Variants in FOCAD observed in about 807,000 individuals in gnomAD.
FOCAD encodes KIAA1797.
A neutral mutation model predicts 225.6 loss-of-function variants in FOCAD; 198 were observed. The observed-to-expected ratio is 0.88, with a 90% CI of 0.78 to 0.99. The LOEUF is 0.99. FOCAD is among the 50% of genes least tolerant of loss of function. The pLI is 0.00. For missense variants in FOCAD, 2,713 were observed against 2,123.6 expected (o/e 1.28, Z -5.46); for synonymous variants, 897 against 755.0 (o/e 1.19, Z -3.08).
intron 11 of FOCAD, among the ~76,000 whole-genome samples, chr9:20,792,967 A>T (rs963773254): frequency 1.3e-4 from 20 of 152,320 alleles, no homozygotes; most frequent in African/African-American, 4.8e-4. Context: ...CTGCTGTGAG[A>T]AAAAGAGAAA....
At chr9:20,680,859 C>T (rs1370391803), upstream of FOCAD, among the ~76,000 whole-genome samples, 1 of 152,090 alleles carries the variant, frequency 6.6e-6, no homozygotes, top group Non-Finnish European at 1.5e-5. Flanking sequence ...GTTAGCCGAA[C>T]ACTGTGGTGT....
chr9:20,831,095 A>T (rs188107261), intron 15 of FOCAD, among the ~76,000 whole-genome samples: 3 of 152,060 alleles, frequency 2.0e-5, no homozygotes, highest in Admixed American at 2.0e-4. Flanking sequence ...CTTTTCTTTT[A>T]AAAGAAGATG....
intron 35 of FOCAD, among the ~76,000 whole-genome samples, chr9:20,957,827 G>A (rs1441994684): frequency 6.6e-6 from 1 of 151,030 alleles, no homozygotes; most frequent in Non-Finnish European, 1.5e-5. Context: ...AGTGAACATC[G>A]TTATGCATAT....
chr9:20,981,642 G>C lies in FOCAD; in HGVS notation c.4594G>C (p.Glu1532Gln), dbSNP rs1241780706. 1 of 1,612,822 alleles carries C rather than the reference G, an allele frequency of 6.2e-7. No individual in the cohort carries two copies. Among genetic ancestry groups the C allele is most frequent in the Non-Finnish European group, 8.5e-7 (1 of 1,179,520 alleles). ...CCACCACCTCTGGAGTCTGCTCTCT[G>C]AAGCTACTGGGAAAATTTTTGACCT... ...PAHHLWSLLSEATGKIFDLLP... is the reference protein window; with the variant it reads ...PAHHLWSLLSQATGKIFDLLP... Residue 1532 changes from glutamate (E) to glutamine (Q), a missense_variant, in exon 38 of 44, where the codon GAA (glutamate) becomes CAA (glutamine). By Grantham distance (29) the Glu-to-Gln change is conservative (BLOSUM62 2). Coordinates refer to ENST00000338382, the MANE Select transcript of FOCAD (RefSeq NM_001375567.1).
At chr9:20,700,834 A>C (rs1823881460) in intron 1 of FOCAD, among the ~76,000 whole-genome samples, 1 of 152,222 alleles carries the variant, frequency 6.6e-6, no homozygotes, top group African/African-American at 2.4e-5. Flanking sequence ...ACTGTGCTAA[A>C]CACAATAATT....
intron 22 of FOCAD, among the ~76,000 whole-genome samples, chr9:20,912,060 A>T (rs925806828): frequency 3.3e-5 from 5 of 152,134 alleles, no homozygotes; most frequent in Non-Finnish European, 7.4e-5. Flanking sequence ...ATATGAAGTA[A>T]CCAGAACTCT....
At chr9:20,959,086 T>C (rs1838464460) in intron 35 of FOCAD, among the ~76,000 whole-genome samples, 1 of 152,174 alleles carries the variant, frequency 6.6e-6, no homozygotes, top group African/African-American at 2.4e-5. Flanking sequence ...TGTAGTTCTA[T>C]TTTTAGTTTT....
intron 11 of FOCAD, among the ~76,000 whole-genome samples, chr9:20,802,683 A>T (rs1821977933): frequency 6.6e-6 from 1 of 152,128 alleles, no homozygotes; most frequent in Non-Finnish European, 1.5e-5. Flanking sequence ...GAGTCCAGGG[A>T]CAGGGTTTAG....
chr9:20,754,767 C>T (rs1236102669), intron 5 of FOCAD, among the ~76,000 whole-genome samples: 1 of 152,022 alleles, frequency 6.6e-6, no homozygotes, highest in Non-Finnish European at 1.5e-5. Flanking sequence ...GCCAAGCATT[C>T]CATTGTGCAT....
chr9:20,954,216 G>A (rs1320305319), intron 35 of FOCAD, among the ~76,000 whole-genome samples: 3 of 152,226 alleles, frequency 2.0e-5, no homozygotes, highest in Admixed American at 1.3e-4. Flanking sequence ...TACACGTAAT[G>A]TACAGTTAGT....
At chr9:20,994,205 T>G (rs897794361) in intron 43 of FOCAD, among the ~76,000 whole-genome samples, 1 of 152,250 alleles carries the variant, frequency 6.6e-6, no homozygotes, top group African/African-American at 2.4e-5. Context: ...TTAAATGATT[T>G]CTGTCTTTTG....
intron 22 of FOCAD, among the ~76,000 whole-genome samples, chr9:20,910,014 G>C (rs78389411): frequency 0.025 from 3,790 of 152,162 alleles, 74 homozygotes; most frequent in Non-Finnish European, 0.039. Context: ...ACTTCCTGGA[G>C]GCTAATTAGG....
At chr9:20,911,594 A>G (rs1042873230) in intron 22 of FOCAD, among the ~76,000 whole-genome samples, 2 of 152,178 alleles carry the variant, frequency 1.3e-5, no homozygotes, top group African/African-American at 4.8e-5. Flanking sequence ...CAACAAATCT[A>G]ATAACGGTAG....
chr9:20,685,915 A>G (rs1822638750), intron 1 of FOCAD, among the ~76,000 whole-genome samples: 1 of 152,142 alleles, frequency 6.6e-6, no homozygotes, highest in South Asian at 2.1e-4. Flanking sequence ...TGAAATCAAA[A>G]TTTTCATGGA....
rs549254785 is a variant in FOCAD at position 20,987,220 on chromosome 9, C to T, written c.4906+755C>T. ...GATTTTTAGGAAAAACTGACAAACACGATTGTAATACTCTGCAAGACTGTA... is the reference window on the plus strand; with the variant it reads ...GATTTTTAGGAAAAACTGACAAACATGATTGTAATACTCTGCAAGACTGTA... On this transcript the variant is annotated intron_variant, in intron 40 of 43. Coordinates refer to ENST00000338382, the MANE Select transcript of FOCAD (RefSeq NM_001375567.1). 1.8e-3 allele frequency among the ~76,000 whole-genome samples: 268 copies of T among 152,240 alleles called. 3 individuals carry two copies. Among genetic ancestry groups the T allele is most frequent in the African/African-American group, 5.8e-3 (241 of 41,552 alleles).
intron 24 of FOCAD, among the ~76,000 whole-genome samples, chr9:20,918,383 C>T (rs1336806733): frequency 1.3e-5 from 2 of 152,186 alleles, no homozygotes; most frequent in African/African-American, 2.4e-5. Context: ...AATATGTTTA[C>T]ATGAGTAAAA....
chr9:20,928,347 A>G (rs1835153940), intron 26 of FOCAD, among the ~76,000 whole-genome samples: 1 of 152,208 alleles, frequency 6.6e-6, no homozygotes, highest in Admixed American at 6.5e-5. Context: ...ACAGTGCTAT[A>G]TTAATTTAAA....
chr9:20,717,956 G>C, intron 3 of FOCAD, 88 bp downstream of exon 3: 1 of 983,974 alleles, frequency 1.0e-6, no homozygotes, highest in Non-Finnish European at 1.6e-6. Flanking sequence ...TTCCCTGATA[G>C]TTCAGATCAC....
intron 29 of FOCAD, 83 bp downstream of exon 29, chr9:20,944,857 G>T: frequency 7.3e-7 from 1 of 1,376,932 alleles, no homozygotes; most frequent in South Asian, 1.6e-5. Context: ...ACCATATTTT[G>T]GTAACCCTAT....
Sources: allele counts gnomAD v4.1 joint callset (sites outside exome capture counted in the v4.1 genomes callset), GRCh38; gene constraint gnomAD v4.1.1; transcripts MANE v1.5; gene names NCBI Gene and HGNC (gene_info 2026-07-23, HGNC 2026-07-21).